Variants in DNM1 observed in about 807,000 individuals in gnomAD.
The protein encoded by DNM1 is dynamin-1.
In DNM1, 29 loss-of-function variants were observed where a neutral mutation model predicts 104.6. That is an observed-to-expected ratio of 0.28 (90% CI 0.21 to 0.38). The LOEUF is 0.38. DNM1 is among the 10% of genes least tolerant of loss of function. The pLI is 1.00. For synonymous variants in DNM1, 445 were observed against 475.8 expected, an observed-to-expected ratio of 0.94 and a Z score of 0.84; for missense variants, 640 against 1,189.4, an observed-to-expected ratio of 0.54 and a Z score of 6.79.
intron 21 of DNM1, chr9:128,252,320 A>C (rs1439275920): frequency 2.8e-6 from 1 of 352,856 alleles, no homozygotes; most frequent in Non-Finnish European, 5.5e-6. Flanking sequence ...GCCTGCCCCA[A>C]CTCCAGTCTT....
At position 128,237,812 on chromosome 9, in the gene DNM1, C is replaced by G. The variant is rs917411043; in HGVS notation, c.1423-1633C>G. Among the ~76,000 whole-genome samples, 4 of 151,046 alleles carry G rather than the reference C, an allele frequency of 2.6e-5. No individual in the cohort carries two copies. In the South Asian group the frequency reaches 8.4e-4, roughly 32 times the overall value. On this transcript the variant is annotated intron_variant, in intron 11 of 21. Coordinates refer to ENST00000372923, the MANE Select transcript of DNM1 (RefSeq NM_004408.4). ...GTTTTGAGATAGGGTCTCGCTCTGACGCCCAGGCTGGAGTGCAGTGGTGCC... is the reference window on the plus strand; with the variant it reads ...GTTTTGAGATAGGGTCTCGCTCTGAGGCCCAGGCTGGAGTGCAGTGGTGCC...
At chr9:128,237,813 G>A (rs769024424) in intron 11 of DNM1, among the ~76,000 whole-genome samples, 10 of 152,064 alleles carry the variant, frequency 6.6e-5, no homozygotes, top group Non-Finnish European at 1.2e-4. Flanking sequence ...TCGCTCTGAC[G>A]CCCAGGCTGG....
rs1222428628 is a variant in DNM1, at chr9:128,223,055, C to T, written c.1196+195C>T. ...AGGTGGACCCGGGCCACCCCGCCTA[C>T]TGCAACTTGCTGGGCCAACTGGGCA... On this transcript the variant is annotated intron_variant, in intron 9 of 21. Coordinates refer to ENST00000372923, the MANE Select transcript of DNM1 (RefSeq NM_004408.4). 6 of 599,036 alleles carry T rather than the reference C, an allele frequency of 1.0e-5. No homozygotes were observed. The East Asian group carries it at 1.2e-4, about 12-fold the overall frequency. The allele number at this position is 599,036 out of a possible 1,614,324, so 37.1% of individuals were successfully genotyped here. A position where few individuals can be genotyped will look rare whatever the true frequency, so the allele number is the denominator to read the frequency against.
intron 15 of DNM1, among the ~76,000 whole-genome samples, chr9:128,242,854 AAGG>A (rs1225849615): frequency 1.3e-5 from 2 of 152,014 alleles, no homozygotes; most frequent in Non-Finnish European, 2.9e-5. Flanking sequence ...CCCAGGTTGG[AAGG>A]AGAAGGTAGC....
At chr9:128,209,148 C>T (rs1469731775) in intron 1 of DNM1, among the ~76,000 whole-genome samples, 2 of 152,160 alleles carry the variant, frequency 1.3e-5, no homozygotes, top group African/African-American at 4.8e-5. Flanking sequence ...GCAGCTGCCA[C>T]GTGCTAAGCA....
intron 10 of DNM1, among the ~76,000 whole-genome samples, chr9:128,231,393 G>A (rs1379440975): frequency 2.0e-5 from 3 of 151,450 alleles, no homozygotes; most frequent in Non-Finnish European, 2.9e-5. Flanking sequence ...TAGAGACGGG[G>A]TTTCTCCATG....
Position 128,253,071 on chromosome 9 carries a change from C to T in DNM1, c.2535-1583C>T, listed in dbSNP as rs373308436. The T allele has an allele frequency of 4.2e-5, 67 of 1,611,404 alleles. No individual in the cohort carries two copies. The East Asian group carries it at 1.4e-3, about 35-fold the overall frequency. On this transcript the variant is annotated intron_variant, in intron 21 of 21. Coordinates refer to ENST00000372923, the MANE Select transcript of DNM1 (RefSeq NM_004408.4). The surrounding 1 kb of genome is among the most constrained non-coding windows in gnomAD (Gnocchi z 5.9). ...GGCCGGCCCCACCCGTGCGTGTGAA[C>T]TGCCATGTTGATTTCGTGCTGTCTT...
Position 128,250,800 on chromosome 9 carries a change from T to C in DNM1, c.2394T>C (p.Pro798=). ...VPPARPGSRG[P]APGPPPAGSA... Reference sequence around the variant, plus strand: ...CAGCCCGGCCCGGGTCGCGGGGCCCTGCTCCTGGGCCTCCGCCTGCTGGGT... The same window carrying C: ...CAGCCCGGCCCGGGTCGCGGGGCCCCGCTCCTGGGCCTCCGCCTGCTGGGT... The change falls in exon 21 of 22, where the codon CCT becomes CCC. Residue 798 remains proline (P), a synonymous_variant. Coordinates refer to ENST00000372923, the MANE Select transcript of DNM1 (RefSeq NM_004408.4). 1 of 1,350,792 alleles carries C rather than the reference T, an allele frequency of 7.4e-7. No homozygotes were observed. Among genetic ancestry groups the C allele is most frequent in the South Asian group, 1.9e-5 (1 of 51,940 alleles). 83.7% of individuals were successfully genotyped at this position (1,350,792 alleles called of 1,614,324 possible). A position where few individuals can be genotyped will look rare whatever the true frequency, so the allele number is the denominator to read the frequency against.
At position 128,225,436 on chromosome 9, in the gene DNM1, T is replaced by C. The variant is rs930539301; in HGVS notation, c.1335+1047T>C. Among the ~76,000 whole-genome samples, 10 of 152,228 alleles carry C rather than the reference T, an allele frequency of 6.6e-5. No homozygotes were observed. The East Asian group carries it at 1.9e-3, about 29-fold the overall frequency. The stretch of plus-strand genomic sequence containing the variant: ...TAGGAGGCAGCCTCTGCGCCACGGT[T>C]TACGGGAATGGACCCCCCTGGAGTT... On this transcript the variant is annotated intron_variant, in intron 10 of 21. Coordinates refer to ENST00000372923, the MANE Select transcript of DNM1 (RefSeq NM_004408.4).
intron 10 of DNM1, chr9:128,231,940 C>T (rs1018866606): frequency 6.6e-6 from 3 of 452,120 alleles, no homozygotes; most frequent in South Asian, 1.6e-5. Flanking sequence ...CCAGGCTGAT[C>T]GCCCCCTCAG....
intron 6 of DNM1, among the ~76,000 whole-genome samples, chr9:128,221,502 C>G (rs1271495461): frequency 6.6e-6 from 1 of 152,198 alleles, no homozygotes; most frequent in African/African-American, 2.4e-5. Flanking sequence ...ACCTAGTGAG[C>G]ATGAGTGCTA....
chr9:128,210,113 T>C (rs944337353), intron 1 of DNM1, among the ~76,000 whole-genome samples: 1 of 152,120 alleles, frequency 6.6e-6, no homozygotes, highest in Admixed American at 6.6e-5. Context: ...TGGGGCGATC[T>C]TGGCTCACTG....
rs928648909 is a variant in DNM1 at position 128,248,890 on chromosome 9, T to C, written c.2076+137T>C. 52 of 948,410 alleles carry C rather than the reference T, an allele frequency of 5.5e-5. No individual in the cohort carries two copies. Among genetic ancestry groups the C allele is most frequent in the Non-Finnish European group, 6.5e-5 (41 of 633,172 alleles). The allele number at this position is 948,410 out of a possible 1,614,324, so 58.7% of individuals were successfully genotyped here. A position where few individuals can be genotyped will look rare whatever the true frequency, so the allele number is the denominator to read the frequency against. ...GGAGGCACGGTCCAGACCAGAGCTG[T>C]CCAATAGAAATATCATGAGGGGCTG... On this transcript the variant is annotated intron_variant, in intron 19 of 21. Coordinates refer to ENST00000372923, the MANE Select transcript of DNM1 (RefSeq NM_004408.4). The surrounding 1 kb of genome is among the most constrained non-coding windows in gnomAD (Gnocchi z 5.6).
chr9:128,219,700 T>C (rs926556333), intron 4 of DNM1, among the ~76,000 whole-genome samples: 1 of 152,112 alleles, frequency 6.6e-6, no homozygotes, highest in Non-Finnish European at 1.5e-5. Flanking sequence ...CAGTGGCTCA[T>C]GCCTGTAATC....
At chr9:128,237,805 G>A (rs577213300) in intron 11 of DNM1, among the ~76,000 whole-genome samples, 14 of 151,024 alleles carry the variant, frequency 9.3e-5, no homozygotes, top group Non-Finnish European at 1.8e-4. Flanking sequence ...ATAGGGTCTC[G>A]CTCTGACGCC....
Position 128,220,937 on chromosome 9 carries a change from T to TTTCTTTCTTTCTTTC in DNM1, c.849+596_849+597insTTCTTTCTTTCTTTC, listed in dbSNP as rs1834963134. Among the ~76,000 whole-genome samples the TTTCTTTCTTTCTTTC allele has an allele frequency of 1.1e-5, 1 of 89,428 alleles. No individual in the cohort carries two copies. The highest frequency in any genetic ancestry group is 4.0e-4 in the South Asian group (1 of 2,472). 58.7% of individuals were successfully genotyped at this position (89,428 alleles called of 152,430 possible). ...TCTTTCTTTCTTTCTTTCTTTCTTT[T>TTTCTTTCTTTCTTTC]CTTTTCTTTCTTTCTTTCCTTTCTT... On this transcript the variant is annotated intron_variant, in intron 6 of 21. Coordinates refer to ENST00000372923, the MANE Select transcript of DNM1 (RefSeq NM_004408.4). The surrounding 1 kb of genome is among the most constrained non-coding windows in gnomAD (Gnocchi z 5.2).
chr9:128,247,364 C>T lies in DNM1; in HGVS notation c.1782-11C>T. On this transcript the variant is annotated splice_polypyrimidine_tract_variant and intron_variant, in intron 16 of 21. Transcript: ENST00000372923. The surrounding 1 kb of genome is among the most constrained non-coding windows in gnomAD (Gnocchi z 5.1). Reference sequence around the variant, plus strand: ...TGCCCATCTGCCCTCACTGCCTGCCCTATCTTGCAGGAATGTCTACAAGGA... The same window carrying T: ...TGCCCATCTGCCCTCACTGCCTGCCTTATCTTGCAGGAATGTCTACAAGGA... 1 of 1,591,748 alleles carries T rather than the reference C, an allele frequency of 6.3e-7. No homozygotes were observed. Among genetic ancestry groups the T allele is most frequent in the Non-Finnish European group, 8.6e-7 (1 of 1,161,536 alleles).
chr9:128,254,076 T>TAA lies in DNM1; in HGVS notation c.2535-577_2535-576dup. 8.0e-7 allele frequency: 1 copy of TAA among 1,249,406 alleles called. No individual in the cohort carries two copies. Among genetic ancestry groups the TAA allele is most frequent in the Non-Finnish European group, 1.0e-6 (1 of 1,000,484 alleles). The allele number at this position is 1,249,406 out of a possible 1,614,324, so 77.4% of individuals were successfully genotyped here. A position where few individuals can be genotyped will look rare whatever the true frequency, so the allele number is the denominator to read the frequency against. ...AGCTGAGGCTCCCCTCTTAGACTTA[T>TAA]AAGTCTATGGCCACTGGCATCCGGC... On this transcript the variant is annotated intron_variant, in intron 21 of 21. Coordinates refer to ENST00000372923, the MANE Select transcript of DNM1 (RefSeq NM_004408.4). The surrounding 1 kb of genome is among the most constrained non-coding windows in gnomAD (Gnocchi z 6.1).
At chr9:128,211,155 C>T (rs997676473) in intron 1 of DNM1, among the ~76,000 whole-genome samples, 1 of 152,198 alleles carries the variant, frequency 6.6e-6, no homozygotes, top group Non-Finnish European at 1.5e-5. Context: ...CCTCAGACTC[C>T]AGCCCCTTTG....
Sources: allele counts gnomAD v4.1 joint callset (sites outside exome capture counted in the v4.1 genomes callset), GRCh38; gene constraint gnomAD v4.1.1; non-coding constraint Gnocchi (gnomAD v3.1); transcripts MANE v1.5; gene names NCBI Gene and HGNC (gene_info 2026-07-23, HGNC 2026-07-21).